Variants in RNF44 observed in about 807,000 individuals in gnomAD.
The protein encoded by RNF44 is ring finger protein 44.
In RNF44, 25 loss-of-function variants were observed where a neutral mutation model predicts 53.6. That is an observed-to-expected ratio of 0.47 (90% CI 0.34 to 0.65). RNF44 has a LOEUF of 0.65. Ranked by LOEUF, RNF44 falls within the 30% of genes least tolerant of loss-of-function variation. The pLI is 0.01. For missense variants in RNF44, 581 were observed against 595.5 expected, an observed-to-expected ratio of 0.98 and a Z score of 0.25; for synonymous variants, 282 against 252.2, an observed-to-expected ratio of 1.12 and a Z score of -1.12.
Position 176,532,419 on chromosome 5 carries a change from G to A in RNF44, c.54C>T (p.Gly18=), listed in dbSNP as rs755483331. Residue 18 remains glycine (G), a synonymous_variant, in exon 2 of 11, where the codon GGC becomes GGT. Transcript: ENST00000274811. ...VTRWPPSAPV[G]QRRFSAGPGS... is the part of the protein sequence containing the mutation. ...CAGGTCCCGCAGAGAATCGCCGCTG[G>A]CCCACGGGGGCGGAGGGTGGCCACC... The A allele has an allele frequency of 1.2e-6, 2 of 1,608,260 alleles. No individual in the cohort carries two copies. Among genetic ancestry groups the A allele is most frequent in the East Asian group, 2.2e-5 (1 of 44,792 alleles).
intron 1 of RNF44, among the ~76,000 whole-genome samples, chr5:176,535,335 C>T (rs1030965852): frequency 6.6e-6 from 1 of 152,234 alleles, no homozygotes; most frequent in Non-Finnish European, 1.5e-5. Context: ...GCGAATACGA[C>T]ACGCTGACCT....
At chr5:176,541,423 C>T (rs1046417842), upstream of RNF44, among the ~76,000 whole-genome samples, 3 of 152,146 alleles carry the variant, frequency 2.0e-5, no homozygotes, top group Non-Finnish European at 2.9e-5. Context: ...ACAGGGGCCC[C>T]GTGGTTGCTG....
upstream of RNF44, among the ~76,000 whole-genome samples, chr5:176,539,632 G>A (rs1040445590): frequency 9.2e-5 from 14 of 151,884 alleles, no homozygotes; most frequent in African/African-American, 3.1e-4. Context: ...AGGTTGCAGT[G>A]AGCTGAGATT....
At position 176,531,653 on chromosome 5, in the gene RNF44, G is replaced by T. The variant is rs754493735; in HGVS notation, c.298-23C>A. The T allele has an allele frequency of 3.8e-5, 61 of 1,588,720 alleles. No homozygotes were observed. In the Middle Eastern group the frequency reaches 1.8e-3, roughly 48 times the overall value. On this transcript the variant is annotated intron_variant, in intron 3 of 10. Coordinates refer to ENST00000274811, the MANE Select transcript of RNF44 (RefSeq NM_014901.5). The surrounding 1 kb of genome is among the most constrained non-coding windows in gnomAD (Gnocchi z 4.2). ...CACCTGTGGGTGGAGAGAACGCCGG[G>T]AAAGTATGAAAAGGAAGCTGACCGC...
At chr5:176,534,498 GGA>G (rs1172608736) in intron 1 of RNF44, among the ~76,000 whole-genome samples, 1 of 152,214 alleles carries the variant, frequency 6.6e-6, no homozygotes, top group African/African-American at 2.4e-5. Flanking sequence ...AACGGCCAAG[GGA>G]GACTCAGGAA....
chr5:176,536,206 G>C (rs1757156851), intron 1 of RNF44: 1 of 152,304 alleles, frequency 6.6e-6, no homozygotes, highest in Non-Finnish European at 1.5e-5. Flanking sequence ...AGGCCGCTGA[G>C]GGCCGGACCA....
upstream of RNF44, among the ~76,000 whole-genome samples, chr5:176,541,863 A>G (rs1757455252): frequency 6.6e-6 from 1 of 152,192 alleles, no homozygotes; most frequent in African/African-American, 2.4e-5. Flanking sequence ...GGGACACAGC[A>G]CAGCCTGGCA....
intron 10 of RNF44, 24 bp downstream of exon 10, chr5:176,529,264 A>C (rs1198215087): frequency 6.2e-7 from 1 of 1,604,990 alleles, no homozygotes; most frequent in East Asian, 2.2e-5. Flanking sequence ...AGGAATACCC[A>C]GGAGCAGACC....
intron 1 of RNF44, among the ~76,000 whole-genome samples, chr5:176,534,006 C>T (rs776845945): frequency 2.6e-4 from 40 of 152,250 alleles, no homozygotes; most frequent in Non-Finnish European, 5.4e-4. Flanking sequence ...CAGCTCAACA[C>T]CTAGTTCCTT....
At chr5:176,541,696 C>A (rs1329085758), upstream of RNF44, among the ~76,000 whole-genome samples, 2 of 152,302 alleles carry the variant, frequency 1.3e-5, no homozygotes, top group African/African-American at 4.8e-5. Context: ...TTCTCACCTA[C>A]CCCAGAGCCT....
At position 176,529,585 on chromosome 5, in the gene RNF44, T is replaced by A. The variant is rs1224335705; in HGVS notation, c.1074A>T (p.Ala358=). The change falls in exon 9 of 11, where the codon GCA becomes GCT. Residue 358 remains alanine (A), a synonymous_variant. Transcript: ENST00000274811. ...GDAKPRGLTK[A]DIEQLPSYRF... Reference sequence around the variant, plus strand: ...GGTACGACGGGAGCTGCTCTATGTCTGCTTTGGTGAGACCCCGGGGCTTGG... The same window carrying A: ...GGTACGACGGGAGCTGCTCTATGTCAGCTTTGGTGAGACCCCGGGGCTTGG... 3 of 1,614,024 alleles carry A rather than the reference T, an allele frequency of 1.9e-6. No homozygotes were observed. The Admixed American group carries it at 5.0e-5, about 27-fold the overall frequency.
At position 176,526,799 on chromosome 5, in the gene RNF44, G is replaced by A. The variant is rs1044909986; in HGVS notation, c.*2229C>T. On this transcript the variant is annotated 3_prime_UTR_variant, in exon 11 of 11. Coordinates refer to ENST00000274811, the MANE Select transcript of RNF44 (RefSeq NM_014901.5). The stretch of plus-strand genomic sequence containing the variant: ...AATAATGATTGCACTACTTGGTCAA[G>A]CAGAACTAGCAACTTTCATTTTAAA... The A allele has an allele frequency of 6.6e-6, 1 of 152,346 alleles. No homozygotes were observed. Among genetic ancestry groups the A allele is most frequent in the East Asian group, 1.9e-4 (1 of 5,192 alleles). The allele number at this position is 152,346 out of a possible 1,614,324, so 9.4% of individuals were successfully genotyped here.
At chr5:176,533,140 G>T (rs549378366) in intron 1 of RNF44, among the ~76,000 whole-genome samples, 1 of 152,168 alleles carries the variant, frequency 6.6e-6, no homozygotes, top group Non-Finnish European at 1.5e-5. Flanking sequence ...GCCTCCAGGC[G>T]GCAGCTGGGG....
At chr5:176,538,450 T>G (rs534202681), upstream of RNF44, among the ~76,000 whole-genome samples, 1 of 152,208 alleles carries the variant, frequency 6.6e-6, no homozygotes, top group African/African-American at 2.4e-5. Flanking sequence ...CGGGCAAAAT[T>G]TATACAAAAT....
intron 1 of RNF44, among the ~76,000 whole-genome samples, chr5:176,534,160 C>T (rs901775563): frequency 4.6e-5 from 7 of 152,244 alleles, no homozygotes; most frequent in African/African-American, 1.7e-4. Context: ...GTGTCCAGCT[C>T]AGGGCAGGCC....
chr5:176,543,213 C>G, the RNF44 span, among the ~76,000 whole-genome samples: 1 of 147,810 alleles, frequency 6.8e-6, no homozygotes, highest in Admixed American at 6.7e-5. This position sits in a 1 kb window ranked among gnomAD's most constrained non-coding sequence, Gnocchi z 4.0. Flanking sequence ...GCGTGCTCGC[C>G]GGCCCTGCGC....
chr5:176,536,375 A>G (rs1005921022), intron 1 of RNF44: 3 of 152,346 alleles, frequency 2.0e-5, no homozygotes, highest in Admixed American at 6.5e-5. Flanking sequence ...AGGTGGTCAC[A>G]CTAGTGGGGG....
chr5:176,528,867 T>C lies in RNF44; in HGVS notation c.*161A>G, dbSNP rs1756285737. On this transcript the variant is annotated 3_prime_UTR_variant, in exon 11 of 11. Coordinates refer to ENST00000274811, the MANE Select transcript of RNF44 (RefSeq NM_014901.5). ...GAGCTTGGCAAATGCAGGGGCTTATTGCAGGGACTCCTCGCTGGGCTGACC... is the reference window on the plus strand; with the variant it reads ...GAGCTTGGCAAATGCAGGGGCTTATCGCAGGGACTCCTCGCTGGGCTGACC... The C allele has an allele frequency of 5.1e-5, 34 of 668,072 alleles. 1 individual carries two copies. In the South Asian group the frequency reaches 6.0e-4, roughly 12 times the overall value. 41.4% of individuals were successfully genotyped at this position (668,072 alleles called of 1,614,324 possible). A position where few individuals can be genotyped will look rare whatever the true frequency, so the allele number is the denominator to read the frequency against.
rs1276974757 is a variant in RNF44 at position 176,531,617 on chromosome 5, G to A, written c.311C>T (p.Pro104Leu). 1.9e-6 allele frequency: 3 copies of A among 1,611,128 alleles called. No homozygotes were observed. In the South Asian group the frequency reaches 3.3e-5, roughly 18 times the overall value. Reference protein sequence around the residue: ...VDLHEQVHQGPVPLSYTVTTV... With the variant: ...VDLHEQVHQGLVPLSYTVTTV... The stretch of plus-strand genomic sequence containing the variant: ...GGTGACCGTGTAGGACAGAGGGACA[G>A]GTCCCTGGTGCACCTGTGGGTGGAG... Residue 104 changes from proline (P) to leucine (L), a missense_variant, in exon 4 of 11, where the codon CCT (proline) becomes CTT (leucine). Pro to Leu is a moderately conservative substitution (Grantham distance 98). Around this residue, in one of 3 missense-constraint regions of RNF44, gnomAD observed 387 missense variants for 366.0 expected, o/e 1.06. Coordinates refer to ENST00000274811, the MANE Select transcript of RNF44 (RefSeq NM_014901.5). This position sits in a 1 kb window ranked among gnomAD's most constrained non-coding sequence, Gnocchi z 4.2.
Sources: allele counts gnomAD v4.1 joint callset (sites outside exome capture counted in the v4.1 genomes callset), GRCh38; gene constraint gnomAD v4.1.1; regional missense constraint gnomAD v4.1.1; non-coding constraint Gnocchi (gnomAD v3.1); transcripts MANE v1.5; gene names NCBI Gene and HGNC (gene_info 2026-07-23, HGNC 2026-07-21).